The following SUPT20H variants were observed in gnomAD, a reference collection of about 807,000 sequenced individuals.
The protein encoded by SUPT20H is SPT20 homolog, SAGA complex component.
Under a neutral mutation model 122.8 loss-of-function variants are expected in SUPT20H, and 82 were observed. The observed-to-expected ratio is 0.67, with a 90% CI of 0.56 to 0.80. SUPT20H has a LOEUF of 0.80. SUPT20H is among the 30% of genes least tolerant of loss of function. The probability of loss-of-function intolerance (pLI) is 0.00; values close to 1 mark genes in which losing one functional copy is unlikely to be tolerated. For synonymous variants in SUPT20H, 291 were observed against 313.0 expected, an observed-to-expected ratio of 0.93 and a Z score of 0.74; for missense variants, 831 against 921.6, an observed-to-expected ratio of 0.90 and a Z score of 1.27.
intron 21 of SUPT20H, among the ~76,000 whole-genome samples, chr13:37,021,099 C>T (rs1016495238): frequency 6.6e-6 from 1 of 152,172 alleles, no homozygotes; most frequent in Non-Finnish European, 1.5e-5. Context: ...CTCTTAACTG[C>T]GATGCAGTTG....
chr13:37,042,855 T>C (rs1456323126), intron 7 of SUPT20H, among the ~76,000 whole-genome samples: 1 of 152,146 alleles, frequency 6.6e-6, no homozygotes, highest in Non-Finnish European at 1.5e-5. Flanking sequence ...TTTTTTAAAA[T>C]TTGAGACATA....
At chr13:37,038,662 A>G (rs2064937328) in intron 9 of SUPT20H, 1 of 152,240 alleles carries the variant, frequency 6.6e-6, no homozygotes, top group Admixed American at 6.5e-5. Context: ...GCAACTGAAC[A>G]CTTTTGTGAG....
rs1311374341 is a variant in SUPT20H, at chr13:37,009,824, G to GA, written c.2203-16dup. On this transcript the variant is annotated splice_polypyrimidine_tract_variant and intron_variant, in intron 25 of 25. Transcript: ENST00000350612. ...AATCGCAACTGCTGCAAAAGGGAGG[G>GA]AAAAAAATCGAGTTATGTTAAATGC... is the stretch of plus-strand genomic sequence containing the variant. 7 of 1,598,454 alleles carry GA rather than the reference G, an allele frequency of 4.4e-6. No individual in the cohort carries two copies. Among genetic ancestry groups the GA allele is most frequent in the Non-Finnish European group, 5.1e-6 (6 of 1,175,340 alleles).
chr13:37,033,777 T>C (rs973656787), intron 9 of SUPT20H, among the ~76,000 whole-genome samples, 189 bp from the exon 10 acceptor site: 3 of 152,212 alleles, frequency 2.0e-5, no homozygotes, highest in Non-Finnish European at 4.4e-5. Flanking sequence ...AAACTTCTAA[T>C]GGAAATTCAA....
At chr13:37,024,663 T>C (rs2061913763) in intron 17 of SUPT20H, 1 of 303,470 alleles carries the variant, frequency 3.3e-6, no homozygotes, top group East Asian at 5.5e-5. Flanking sequence ...ACAGTACACA[T>C]AAAGAATGAG....
chr13:37,043,075 C>T (rs1030616591), intron 7 of SUPT20H, among the ~76,000 whole-genome samples: 1 of 151,764 alleles, frequency 6.6e-6, no homozygotes, highest in Non-Finnish European at 1.5e-5. Context: ...CAACCTGTAA[C>T]ACAGTATGCT....
intron 1 of SUPT20H, among the ~76,000 whole-genome samples, chr13:37,057,460 C>G (rs542679883): frequency 6.7e-6 from 1 of 150,330 alleles, no homozygotes; most frequent in South Asian, 2.1e-4. Flanking sequence ...ACAAGATTTT[C>G]CAGGTAAAAC....
Position 37,051,557 on chromosome 13 carries a change from C to T in SUPT20H, c.-67G>A. Reference sequence around the variant, plus strand: ...TACGCTGATGAAGTGGGGTGAACACCATGCCTTTAACATCAATCTTACAGT... The same window carrying T: ...TACGCTGATGAAGTGGGGTGAACACTATGCCTTTAACATCAATCTTACAGT... On this transcript the variant is annotated 5_prime_UTR_variant, in exon 2 of 26. It removes an upstream start codon present in the reference 5' UTR. Transcript: ENST00000350612. 5.4e-6 allele frequency: 8 copies of T among 1,489,094 alleles called. No individual in the cohort carries two copies. The highest frequency in any genetic ancestry group is 7.4e-6 in the Non-Finnish European group (8 of 1,076,492). 92.2% of individuals were successfully genotyped at this position (1,489,094 alleles called of 1,614,324 possible). A position where few individuals can be genotyped will look rare whatever the true frequency, so the allele number is the denominator to read the frequency against.
At chr13:37,026,062 A>G (rs4941856) in intron 16 of SUPT20H, 142 bp downstream of exon 16, 471,841 of 544,044 alleles carry the variant, frequency 0.87, 206,250 homozygotes, top group East Asian at 1. Context: ...TACAACAGAG[A>G]CCCATAAATA....
chr13:37,011,487 AAG>A (rs1353294101), intron 24 of SUPT20H, among the ~76,000 whole-genome samples: 1 of 152,216 alleles, frequency 6.6e-6, no homozygotes, highest in Non-Finnish European at 1.5e-5. Context: ...CCACAGTGAT[AAG>A]ATGCTGACAA....
chr13:37,016,158 C>T (rs879654304), intron 23 of SUPT20H, among the ~76,000 whole-genome samples: 4 of 152,132 alleles, frequency 2.6e-5, no homozygotes, highest in South Asian at 4.1e-4. Context: ...TGGCCAGGCA[C>T]GGTGGCTCAT....
intron 2 of SUPT20H, among the ~76,000 whole-genome samples, chr13:37,051,191 A>T (rs1245727120): frequency 6.6e-6 from 1 of 152,198 alleles, no homozygotes; most frequent in Non-Finnish European, 1.5e-5. Flanking sequence ...TTGTATTTAT[A>T]CCCATCCTCC....
chr13:37,042,411 C>A (rs1377442745), intron 7 of SUPT20H, among the ~76,000 whole-genome samples: 2 of 152,102 alleles, frequency 1.3e-5, no homozygotes, highest in African/African-American at 4.8e-5. Flanking sequence ...TGGCTGAAAT[C>A]ATTCAGGGAG....
At chr13:37,040,080 T>TG (rs2065196545) in intron 9 of SUPT20H, 2 of 73,494 alleles carry the variant, frequency 2.7e-5, no homozygotes, top group Non-Finnish European at 5.6e-5. Flanking sequence ...TTGAATTATT[T>TG]GAAAAAAAAA....
In SUPT20H at chr13:37,026,903, T is replaced by C. The variant is rs2062383101; in HGVS notation, c.1152-87A>G. 5 of 838,312 alleles carry C rather than the reference T, an allele frequency of 6.0e-6. No homozygotes were observed. The East Asian group carries it at 1.6e-4, about 27-fold the overall frequency. The allele number at this position is 838,312 out of a possible 1,614,324, so 51.9% of individuals were successfully genotyped here. Reference sequence around the variant, plus strand: ...TATTAAATAAAGTATTTTATGAATATGGAAGAATGACTGGAAGATAATAAA... The same window carrying C: ...TATTAAATAAAGTATTTTATGAATACGGAAGAATGACTGGAAGATAATAAA... On this transcript the variant is annotated intron_variant, in intron 14 of 25. Coordinates refer to ENST00000350612, the MANE Select transcript of SUPT20H (RefSeq NM_001014286.3).
intron 16 of SUPT20H, chr13:37,025,699 G>T: frequency 1.2e-5 from 4 of 322,200 alleles, no homozygotes; most frequent in South Asian, 3.9e-5. Flanking sequence ...GAAATTACAG[G>T]GATTACTTAA....
rs751883805 is a variant in SUPT20H at position 37,033,504 on chromosome 13, T to C, written c.652A>G (p.Thr218Ala). ...TTGTTATAGAGCAGTCTGTTTGCAG[T>C]GCAGGTGACTGCTATAGAAGGATCA... is the stretch of plus-strand genomic sequence containing the variant. ...CLDPSIAVTC[T>A]ANRLLYNKQK... The change falls in exon 10 of 26, where the codon ACT becomes GCT. Residue 218 changes from threonine to alanine, a missense_variant. Thr to Ala is a moderately conservative substitution (Grantham distance 58). Transcript: ENST00000350612. 1.9e-6 allele frequency: 3 copies of C among 1,613,750 alleles called. No homozygotes were observed. The highest frequency in any genetic ancestry group is 2.2e-5 in the East Asian group (1 of 44,870).
At chr13:37,033,687 T>A in intron 9 of SUPT20H, 99 bp from the exon 10 acceptor site, 1 of 1,320,686 alleles carries the variant, frequency 7.6e-7, no homozygotes, top group African/African-American at 1.5e-5. Context: ...GGAATTCTGC[T>A]AAGGACTACA....
intron 24 of SUPT20H, among the ~76,000 whole-genome samples, chr13:37,011,894 A>C (rs2059687876): frequency 6.6e-6 from 1 of 152,168 alleles, no homozygotes; most frequent in South Asian, 2.1e-4. Context: ...AATTAAGATA[A>C]CTATTGGCAA....
Sources: gnomAD v4.1 joint callset for allele counts (sites outside exome capture counted in the v4.1 genomes callset) on GRCh38, gnomAD v4.1.1 for gene constraint, MANE v1.5 for transcripts, NCBI Gene and HGNC (gene_info 2026-07-23, HGNC 2026-07-21) for gene names.